The following DHRSX variants were observed in gnomAD, a reference collection of about 807,000 sequenced individuals.
DHRSX encodes the protein polyprenol dehydrogenase.
Under a neutral mutation model 34.0 loss-of-function variants are expected in DHRSX, and 31 were observed. The observed-to-expected ratio is 0.91, with a 90% CI of 0.69 to 1.23. DHRSX has a LOEUF of 1.23. Ranked by LOEUF, DHRSX falls within the 50% of genes most tolerant of loss-of-function variation. The probability of loss-of-function intolerance (pLI) is 0.00; values close to 1 mark genes in which losing one functional copy is unlikely to be tolerated. For missense variants in DHRSX, 414 were observed against 428.1 expected (o/e 0.97, Z 0.29); for synonymous variants, 201 against 183.8 (o/e 1.09, Z -0.76).
intron 3 of DHRSX, among the ~76,000 whole-genome samples, chrX:2,333,267 C>T (rs751958124): frequency 5.6e-4 from 86 of 152,288 alleles, no homozygotes; most frequent in Middle Eastern, 3.4e-3. Context: ...AAAACACATA[C>T]ACACGTGGTG....
At chrX:2,486,056 G>C (rs899042319) in intron 1 of DHRSX, among the ~76,000 whole-genome samples, 2 of 151,932 alleles carry the variant, frequency 1.3e-5, no homozygotes, top group Admixed American at 1.3e-4. Context: ...GCTGGGGGGA[G>C]AGGGAAGGCG....
At chrX:2,303,793 G>GTGGATGGGTGGA (rs1569485711) in intron 3 of DHRSX, among the ~76,000 whole-genome samples, 1 of 35,812 alleles carries the variant, frequency 2.8e-5, no homozygotes, top group African/African-American at 7.6e-5. Context: ...GGATGGATGG[G>GTGGATGGGTGGA]TGGGTGGGTG....
intron 3 of DHRSX, among the ~76,000 whole-genome samples, chrX:2,356,579 T>C (rs909224192): frequency 6.6e-6 from 1 of 152,106 alleles, no homozygotes; most frequent in African/African-American, 2.4e-5. Flanking sequence ...CACAGAAACA[T>C]AGTTGATCCT....
At chrX:2,241,939 C>T (rs139491237) in intron 6 of DHRSX, among the ~76,000 whole-genome samples, 82 of 152,150 alleles carry the variant, frequency 5.4e-4, no homozygotes, top group African/African-American at 1.8e-3. Context: ...ACAACAATAA[C>T]AAAAAACATT....
At chrX:2,453,657 G>A (rs1376506741) in intron 1 of DHRSX, among the ~76,000 whole-genome samples, 1 of 152,098 alleles carries the variant, frequency 6.6e-6, no homozygotes, top group African/African-American at 2.4e-5. Flanking sequence ...GCTATAGGGT[G>A]AGACTGTCTC....
rs748340612 is a variant in DHRSX, at chrX:2,473,542, G to A, written c.109+27275C>T. On this transcript the variant is annotated intron_variant, in intron 1 of 6. Coordinates refer to ENST00000334651, the MANE Select transcript of DHRSX (RefSeq NM_145177.3). ...GGAGACTGAGGCAGGAGAATTGCTC[G>A]AACCTGGGAGGCAGGGGTTACAGTG... is the stretch of plus-strand genomic sequence containing the variant. 3.3e-5 allele frequency among the ~76,000 whole-genome samples: 5 copies of A among 150,684 alleles called. No homozygotes were observed. The South Asian group carries it at 8.3e-4, about 25-fold the overall frequency.
At chrX:2,323,989 T>A (rs2042344628) in intron 3 of DHRSX, among the ~76,000 whole-genome samples, 1 of 150,104 alleles carries the variant, frequency 6.7e-6, no homozygotes, top group Non-Finnish European at 1.5e-5. Context: ...CCTCGGAAGT[T>A]GAAGTTGCAG....
chrX:2,224,094 A>C (rs1169437248), intron 6 of DHRSX, among the ~76,000 whole-genome samples: 1 of 152,222 alleles, frequency 6.6e-6, no homozygotes, highest in Non-Finnish European at 1.5e-5. Flanking sequence ...CTTTGCAAAC[A>C]AATCCTTAAA....
Position 2,500,857 on chromosome X carries a change from C to A in DHRSX, c.69G>T (p.Ala23=). The change falls in exon 1 of 7, where the codon GCG becomes GCT. Residue 23 remains alanine (A), a synonymous_variant. Coordinates refer to ENST00000334651, the MANE Select transcript of DHRSX (RefSeq NM_145177.3). ...CCCCGCGGCAGCGCCGCAGCAGCTGCGCCAGGATCACCGCGGCGCCTACCG... is the reference window on the plus strand; with the variant it reads ...CCCCGCGGCAGCGCCGCAGCAGCTGAGCCAGGATCACCGCGGCGCCTACCG... ...VYAVGAAVIL[A]QLLRRCRGGF... The A allele has an allele frequency of 8.6e-7, 1 of 1,161,436 alleles. No individual in the cohort carries two copies. Among genetic ancestry groups the A allele is most frequent in the Non-Finnish European group, 1.1e-6 (1 of 936,638 alleles). The allele number at this position is 1,161,436 out of a possible 1,614,324, so 71.9% of individuals were successfully genotyped here. A position where few individuals can be genotyped will look rare whatever the true frequency, so the allele number is the denominator to read the frequency against.
intron 1 of DHRSX, among the ~76,000 whole-genome samples, chrX:2,432,577 C>T (rs1363699933): frequency 6.6e-6 from 1 of 152,108 alleles, no homozygotes; most frequent in Non-Finnish European, 1.5e-5. Context: ...AAATTGAGTA[C>T]ACGACAAAAG....
chrX:2,366,776 T>C (rs1174931056), intron 3 of DHRSX, among the ~76,000 whole-genome samples: 2 of 149,970 alleles, frequency 1.3e-5, no homozygotes, highest in Non-Finnish European at 3.0e-5. Context: ...TTTTTTTTTT[T>C]CCTGTAGAGA....
chrX:2,409,725 TTTTTTTGTTTTG>T (rs2043602665), intron 2 of DHRSX, among the ~76,000 whole-genome samples: 2 of 151,396 alleles, frequency 1.3e-5, no homozygotes, highest in South Asian at 2.1e-4. Context: ...TTTTGTTTTG[TTTTTTTGTTTTG>T]TTTTTTTTTT....
In DHRSX at chrX:2,275,490, C is replaced by T. The variant is rs190849427; in HGVS notation, c.389-8543G>A. On this transcript the variant is annotated intron_variant, in intron 4 of 6. Coordinates refer to ENST00000334651, the MANE Select transcript of DHRSX (RefSeq NM_145177.3). Reference sequence around the variant, plus strand: ...TGCACTGCACTCCAGCCCCGGCCGACAACAGCGAGACTATGTTTCAAAACA... The same window carrying T: ...TGCACTGCACTCCAGCCCCGGCCGATAACAGCGAGACTATGTTTCAAAACA... 4.2e-5 allele frequency among the ~76,000 whole-genome samples: 6 copies of T among 143,038 alleles called. No individual in the cohort carries two copies. In the East Asian group the frequency reaches 1.2e-3, roughly 29 times the overall value. 93.8% of individuals were successfully genotyped at this position (143,038 alleles called of 152,430 possible). A position where few individuals can be genotyped will look rare whatever the true frequency, so the allele number is the denominator to read the frequency against.
intron 3 of DHRSX, among the ~76,000 whole-genome samples, chrX:2,375,947 G>C (rs2043136052): frequency 7.4e-6 from 1 of 135,740 alleles, no homozygotes; most frequent in Non-Finnish European, 1.7e-5. Flanking sequence ...GTGGGTTTTA[G>C]GAGCATCCCA....
intron 2 of DHRSX, among the ~76,000 whole-genome samples, chrX:2,415,475 C>T (rs1271785760): frequency 5.9e-5 from 9 of 151,932 alleles, no homozygotes; most frequent in African/African-American, 2.2e-4. Flanking sequence ...TGACCTAATA[C>T]AACTAGATCT....
At chrX:2,464,067 G>A (rs1172341247) in intron 1 of DHRSX, among the ~76,000 whole-genome samples, 2 of 151,850 alleles carry the variant, frequency 1.3e-5, no homozygotes, top group African/African-American at 4.8e-5. Context: ...TGTGGCTAAG[G>A]GACCACCGCC....
At chrX:2,430,556 T>C (rs957142154) in intron 1 of DHRSX, among the ~76,000 whole-genome samples, 1 of 152,164 alleles carries the variant, frequency 6.6e-6, no homozygotes, top group Non-Finnish European at 1.5e-5. Flanking sequence ...ACGCTCCTTC[T>C]ACCCAATTCC....
chrX:2,349,810 G>A (rs1186449397), intron 3 of DHRSX, among the ~76,000 whole-genome samples: 1 of 148,508 alleles, frequency 6.7e-6, no homozygotes, highest in East Asian at 2.0e-4. Flanking sequence ...GGGAGGCCGA[G>A]GCGGGCGGAT....
chrX:2,454,039 T>G (rs1434923473), intron 1 of DHRSX, among the ~76,000 whole-genome samples: 1 of 152,204 alleles, frequency 6.6e-6, no homozygotes, highest in African/African-American at 2.4e-5. Context: ...TATACAATTA[T>G]TTTTTGTTAA....
Sources: allele counts gnomAD v4.1 joint callset (sites outside exome capture counted in the v4.1 genomes callset), GRCh38; gene constraint gnomAD v4.1.1; transcripts MANE v1.5; gene names NCBI Gene and HGNC (gene_info 2026-07-23, HGNC 2026-07-21).